LIMS1: variants seen among roughly 807,000 people sequenced by gnomAD.
LIMS1 encodes LIM zinc finger domain containing 1.
A neutral mutation model predicts 44.1 loss-of-function variants in LIMS1; 18 were observed. The ratio of observed to expected loss-of-function variants is 0.41; its 90% CI spans 0.28 to 0.61. LIMS1 has a LOEUF of 0.61. Ranked by LOEUF, LIMS1 falls within the 20% of genes least tolerant of loss-of-function variation. LIMS1 has a pLI of 0.32. For missense variants in LIMS1, 201 were observed against 422.0 expected, an observed-to-expected ratio of 0.48 and a Z score of 4.59; for synonymous variants, 93 against 149.1, an observed-to-expected ratio of 0.62 and a Z score of 2.74.
chr2:108,664,296 G>A (rs111380604), intron 2 of LIMS1, among the ~76,000 whole-genome samples: 3,846 of 150,958 alleles, frequency 0.025, 80 homozygotes, highest in Non-Finnish European at 0.039. Flanking sequence ...GCTGGTTTCC[G>A]GTTCTGAGCT....
At chr2:108,587,372 T>C (rs1243663898) in intron 1 of LIMS1, among the ~76,000 whole-genome samples, 2 of 151,084 alleles carry the variant, frequency 1.3e-5, no homozygotes, top group Non-Finnish European at 2.9e-5. Context: ...GTTTTTGTTT[T>C]TGTTTTTTCA....
chr2:108,649,821 G>A (rs374830699), intron 1 of LIMS1, among the ~76,000 whole-genome samples: 1 of 152,138 alleles, frequency 6.6e-6, no homozygotes, highest in African/African-American at 2.4e-5. Context: ...CCTGTCGGTG[G>A]GTGGGGGATA....
intron 1 of LIMS1, among the ~76,000 whole-genome samples, chr2:108,545,112 A>G (rs1381998855): frequency 6.6e-6 from 1 of 152,214 alleles, no homozygotes; most frequent in Non-Finnish European, 1.5e-5. Flanking sequence ...CTCTTTTAAC[A>G]TATAAGTATA....
chr2:108,545,385 C>T (rs1684450583), intron 1 of LIMS1, among the ~76,000 whole-genome samples: 1 of 152,182 alleles, frequency 6.6e-6, no homozygotes, highest in Non-Finnish European at 1.5e-5. Context: ...AGGCATCCAC[C>T]ACCTCGCCTG....
chr2:108,614,500 A>G (rs971568161), intron 1 of LIMS1, among the ~76,000 whole-genome samples: 3 of 152,174 alleles, frequency 2.0e-5, no homozygotes, highest in Admixed American at 6.5e-5. Flanking sequence ...TGCCAAATAC[A>G]TGTTTACATT....
chr2:108,560,226 A>T (rs946495219), intron 1 of LIMS1, among the ~76,000 whole-genome samples: 48 of 152,248 alleles, frequency 3.2e-4, no homozygotes, highest in Non-Finnish European at 5.9e-5. Context: ...CGCCAGCTCC[A>T]GTCTATTCTT....
chr2:108,668,945 T>G (rs1023307084), intron 2 of LIMS1, among the ~76,000 whole-genome samples: 4 of 152,118 alleles, frequency 2.6e-5, no homozygotes, highest in Non-Finnish European at 5.9e-5. Flanking sequence ...AAAAACCAAA[T>G]ACATTAATCT....
At chr2:108,546,772 A>G (rs1463901031) in intron 1 of LIMS1, among the ~76,000 whole-genome samples, 1 of 152,110 alleles carries the variant, frequency 6.6e-6, no homozygotes, top group African/African-American at 2.4e-5. Flanking sequence ...AAGGAAGATA[A>G]TCTCTAAAGG....
At chr2:108,647,173 A>G (rs1690129410) in intron 1 of LIMS1, among the ~76,000 whole-genome samples, 1 of 152,244 alleles carries the variant, frequency 6.6e-6, no homozygotes, top group Non-Finnish European at 1.5e-5. Context: ...ACCATCAGCG[A>G]ATACTGTAAA....
intron 1 of LIMS1, among the ~76,000 whole-genome samples, chr2:108,552,539 T>C: frequency 6.8e-6 from 1 of 147,000 alleles, no homozygotes; most frequent in East Asian, 1.9e-4. Context: ...TATATTTATA[T>C]ATATACACTA....
intron 1 of LIMS1, among the ~76,000 whole-genome samples, chr2:108,558,681 T>A (rs183444661): frequency 1.3e-4 from 20 of 151,156 alleles, no homozygotes; most frequent in Admixed American, 1.3e-3. Flanking sequence ...TTTAATTTTT[T>A]TTTTTTTGAG....
intron 1 of LIMS1, among the ~76,000 whole-genome samples, chr2:108,569,323 A>G (rs753002756): frequency 4.6e-5 from 7 of 152,170 alleles, no homozygotes; most frequent in Non-Finnish European, 8.8e-5. Flanking sequence ...TTTGATGCAC[A>G]AAAGTTTTAA....
At chr2:108,536,107 TA>T (rs1304835994) in intron 1 of LIMS1, among the ~76,000 whole-genome samples, 1 of 152,238 alleles carries the variant, frequency 6.6e-6, no homozygotes, top group African/African-American at 2.4e-5. Context: ...ATAAAGGAGA[TA>T]ATAGTTTCCT....
intron 1 of LIMS1, among the ~76,000 whole-genome samples, chr2:108,537,560 CT>C (rs1353754637): frequency 1.3e-5 from 2 of 152,230 alleles, no homozygotes; most frequent in Non-Finnish European, 2.9e-5. Flanking sequence ...TGTATTCACA[CT>C]TTTCAGTGCT....
chr2:108,579,952 G>T (rs377218282), intron 1 of LIMS1, among the ~76,000 whole-genome samples: 2 of 152,348 alleles, frequency 1.3e-5, no homozygotes, highest in South Asian at 2.1e-4. Context: ...AGGCAGATCC[G>T]CAGGGCTGCA....
chr2:108,559,022 C>T (rs989377919), intron 1 of LIMS1, among the ~76,000 whole-genome samples: 3 of 152,128 alleles, frequency 2.0e-5, no homozygotes, highest in African/African-American at 7.2e-5. Context: ...GCCAAGGCGC[C>T]GGGGGCAGCT....
intron 1 of LIMS1, chr2:108,588,416 GC>G: frequency 1.0e-6 from 1 of 985,440 alleles, no homozygotes. Context: ...GGCCTCCCAA[GC>G]CCTGATAAGT....
intron 1 of LIMS1, among the ~76,000 whole-genome samples, chr2:108,642,813 G>T (rs1689794975): frequency 6.6e-6 from 1 of 152,162 alleles, no homozygotes; most frequent in Non-Finnish European, 1.5e-5. Context: ...CATGGCTTAT[G>T]TCAGAGGTGG....
At chr2:108,668,920 C>T (rs576440063) in intron 2 of LIMS1, among the ~76,000 whole-genome samples, 179 of 152,226 alleles carry the variant, frequency 1.2e-3, no homozygotes, top group Non-Finnish European at 1.4e-3. Flanking sequence ...TTATTCTCTT[C>T]TGTTAATAAA....
Sources: gnomAD v4.1 joint callset for allele counts (sites outside exome capture counted in the v4.1 genomes callset) on GRCh38, gnomAD v4.1.1 for gene constraint, MANE v1.5 for transcripts, NCBI Gene and HGNC (gene_info 2026-07-23, HGNC 2026-07-21) for gene names.